Variants in COL5A1 observed in about 807,000 individuals in gnomAD.
COL5A1 encodes the protein collagen alpha-1(V) chain.
COL5A1 carries 16 observed loss-of-function variants against 263.7 expected under a neutral mutation model. The ratio of observed to expected loss-of-function variants is 0.06; its 90% confidence interval spans 0.04 to 0.09. COL5A1 has a LOEUF of 0.09. COL5A1 is among the 10% of genes least tolerant of loss of function. The probability of loss-of-function intolerance (pLI) is 1.00; values close to 1 mark genes in which losing one functional copy is unlikely to be tolerated. For missense variants in COL5A1, 2,036 were observed against 2,540.5 expected (o/e 0.80, Z 4.27); for synonymous variants, 1,012 against 1,004.5 (o/e 1.01, Z -0.14).
rs1456125731 is a variant in COL5A1 at position 134,838,816 on chromosome 9, G to A, written c.5371-3341G>A. Among the ~76,000 whole-genome samples, 4 of 152,364 alleles carry A rather than the reference G, an allele frequency of 2.6e-5. No homozygotes were observed. In the South Asian group the frequency reaches 8.3e-4, roughly 32 times the overall value. On this transcript the variant is annotated intron_variant, in intron 65 of 65. Transcript: ENST00000371817. ...AACTGCCTAACCCCAGATGGCAGGG[G>A]CAGGCTCTGCGGCCAAGCTGGACAG...
intron 4 of COL5A1, among the ~76,000 whole-genome samples, chr9:134,726,419 T>A (rs1160738634): frequency 6.6e-6 from 1 of 151,946 alleles, no homozygotes; most frequent in Non-Finnish European, 1.5e-5. Flanking sequence ...GCTGGGTGGA[T>A]GGATGGACAG....
intron 52 of COL5A1, 35 bp downstream of exon 52, chr9:134,816,023 G>T (rs1838731106): frequency 6.2e-7 from 1 of 1,608,796 alleles, no homozygotes; most frequent in South Asian, 1.1e-5. Flanking sequence ...TCCTGGTGGA[G>T]GTGTCAGTGT....
At chr9:134,823,308 G>A (rs1199904548) in intron 60 of COL5A1, 108 bp from the exon 61 acceptor site, 8 of 1,272,986 alleles carry the variant, frequency 6.3e-6, no homozygotes, top group Middle Eastern at 1.8e-4. Context: ...TGGCTGATAG[G>A]GCCACCTCCC....
In COL5A1 at chr9:134,789,727, C is replaced by T. The variant is rs1389985901; in HGVS notation, c.2700+519C>T. Reference sequence around the variant, plus strand: ...GTGGTTTGAGTCCCCTTTGTCCTCACCCTCAGCGAAGGAACAGGGGGCCGG... The same window carrying T: ...GTGGTTTGAGTCCCCTTTGTCCTCATCCTCAGCGAAGGAACAGGGGGCCGG... On this transcript the variant is annotated intron_variant, in intron 32 of 65. Transcript: ENST00000371817. The surrounding 1 kb of genome is among the most constrained non-coding windows in gnomAD (Gnocchi z 4.8). Among the ~76,000 whole-genome samples the T allele has an allele frequency of 1.3e-5, 2 of 152,228 alleles. No homozygotes were observed. Among genetic ancestry groups the T allele is most frequent in the Non-Finnish European group, 2.9e-5 (2 of 68,034 alleles).
chr9:134,704,082 A>G (rs4240703), intron 4 of COL5A1, among the ~76,000 whole-genome samples: 123,485 of 152,074 alleles, frequency 0.81, 50,455 homozygotes, highest in Admixed American at 0.86. Flanking sequence ...ATAGTGCTTC[A>G]TTGATATTCT....
intron 11 of COL5A1, among the ~76,000 whole-genome samples, chr9:134,747,482 C>T (rs901901767): frequency 6.7e-6 from 1 of 149,814 alleles, no homozygotes; most frequent in Non-Finnish European, 1.5e-5. Flanking sequence ...TGCATACACA[C>T]ATGCATTCAC....
intron 11 of COL5A1, among the ~76,000 whole-genome samples, chr9:134,740,100 A>C (rs1835248443): frequency 6.6e-6 from 1 of 152,186 alleles, no homozygotes; most frequent in South Asian, 2.1e-4. Context: ...GTGGCGGGAA[A>C]CAGAGTGGGG....
intron 4 of COL5A1, among the ~76,000 whole-genome samples, chr9:134,701,910 A>G (rs1833688837): frequency 1.3e-5 from 2 of 152,218 alleles, no homozygotes; most frequent in South Asian, 2.1e-4. Context: ...ACTTCAGCCC[A>G]TGGAGCCCTT....
In COL5A1 at chr9:134,794,156, T is replaced by A. The variant is rs1018749769; in HGVS notation, c.2701-926T>A. 6.6e-6 allele frequency among the ~76,000 whole-genome samples: 1 copy of A among 152,016 alleles called. No homozygotes were observed. Among genetic ancestry groups the A allele is most frequent in the Non-Finnish European group, 1.5e-5 (1 of 67,996 alleles). ...TCCTTGCCAACATGGTGAAACCCTG[T>A]CTCTACTAAAATTAGCTGGGCGTGG... On this transcript the variant is annotated intron_variant, in intron 32 of 65. Transcript: ENST00000371817. This position sits in a 1 kb window ranked among gnomAD's most constrained non-coding sequence, Gnocchi z 4.3.
chr9:134,796,610 C>A (rs944017095), intron 35 of COL5A1, among the ~76,000 whole-genome samples, 192 bp downstream of exon 35: 1 of 152,182 alleles, frequency 6.6e-6, no homozygotes, highest in Non-Finnish European at 1.5e-5. Flanking sequence ...GGGGCCTCGA[C>A]CGCAGCCCTG....
intron 25 of COL5A1, among the ~76,000 whole-genome samples, chr9:134,770,790 C>T (rs1049894782): frequency 2.6e-5 from 4 of 152,224 alleles, no homozygotes; most frequent in African/African-American, 9.6e-5. Flanking sequence ...GAAACACACA[C>T]AAGTAGAAAG....
At position 134,662,142 on chromosome 9, in the gene COL5A1, CAA is replaced by C. The variant is rs34491867; in HGVS notation, c.109+19866_109+19867del. ...TGTGATGCCTGGTCAATATCTTGGCCAAAAAAAAAAAAAAAAAAAAATTCCTC... is the reference window on the plus strand; with the variant it reads ...TGTGATGCCTGGTCAATATCTTGGCCAAAAAAAAAAAAAAAAAAATTCCTC... On this transcript the variant is annotated intron_variant, in intron 1 of 65. Transcript: ENST00000371817. Among the ~76,000 whole-genome samples, 1,203 of 121,210 alleles carry C rather than the reference CAA, an allele frequency of 9.9e-3. 5 individuals are homozygous for C. The highest frequency in any genetic ancestry group is 0.057 in the South Asian group (202 of 3,570). The allele number at this position is 121,210 out of a possible 152,430, so 79.5% of individuals were successfully genotyped here. A position where few individuals can be genotyped will look rare whatever the true frequency, so the allele number is the denominator to read the frequency against.
Position 134,818,157 on chromosome 9 carries a change from G to C in COL5A1, c.4230+326G>C, listed in dbSNP as rs1838837909. Among the ~76,000 whole-genome samples, 1 of 152,242 alleles carries C rather than the reference G, an allele frequency of 6.6e-6. No homozygotes were observed. Among genetic ancestry groups the C allele is most frequent in the African/African-American group, 2.4e-5 (1 of 41,472 alleles). On this transcript the variant is annotated intron_variant, in intron 54 of 65. Transcript: ENST00000371817. This position sits in a 1 kb window ranked among gnomAD's most constrained non-coding sequence, Gnocchi z 6.0. ...TCATGCCTGGTCTTTGAGTCGGCCA[G>C]ACCTGAGCCGCCTACCTCTGAAGTG... is the stretch of plus-strand genomic sequence containing the variant.
chr9:134,663,290 G>A (rs529010044), intron 1 of COL5A1, among the ~76,000 whole-genome samples: 1 of 152,346 alleles, frequency 6.6e-6, no homozygotes, highest in South Asian at 2.1e-4. Context: ...TGGTGGCCGG[G>A]GGCCTGTCCC....
intron 26 of COL5A1, 73 bp from the exon 27 acceptor site, chr9:134,774,786 T>C: frequency 3.3e-6 from 5 of 1,498,610 alleles, no homozygotes; most frequent in Non-Finnish European, 3.7e-6. Flanking sequence ...TGCCGAACTC[T>C]GGAGTTTCCT....
intron 11 of COL5A1, 54 bp from the exon 12 acceptor site, chr9:134,750,488 C>A: frequency 6.5e-7 from 1 of 1,545,934 alleles, no homozygotes; most frequent in Non-Finnish European, 8.9e-7. Context: ...TCGCTGCAGC[C>A]CAGCCCTGGC....
At position 134,701,238 on chromosome 9, in the gene COL5A1, A is replaced by T; in HGVS notation, c.559A>T (p.Thr187Ser). 6.2e-7 allele frequency: 1 copy of T among 1,613,962 alleles called. No homozygotes were observed. Among genetic ancestry groups the T allele is most frequent in the Non-Finnish European group, 8.5e-7 (1 of 1,180,008 alleles). The change falls in exon 4 of 66, where the codon ACC (threonine) becomes TCC (serine). Residue 187 changes from threonine to serine, a missense_variant. By Grantham distance (58) the Thr-to-Ser change is moderately conservative (BLOSUM62 1). Coordinates refer to ENST00000371817, the MANE Select transcript of COL5A1 (RefSeq NM_000093.5). ...VTLILDCKKKTTKFLDRSDHP... is the reference protein window; with the variant it reads ...VTLILDCKKKSTKFLDRSDHP... ...CTTGATCCTCGACTGTAAAAAGAAG[A>T]CCACCAAATTCCTCGACCGCAGCGA... is the stretch of plus-strand genomic sequence containing the variant.
At chr9:134,786,687 A>G (rs1837470690) in intron 31 of COL5A1, among the ~76,000 whole-genome samples, 1 of 150,652 alleles carries the variant, frequency 6.6e-6, no homozygotes, top group African/African-American at 2.5e-5. Flanking sequence ...GGCTTTGGAA[A>G]TCATTGAAAA....
Position 134,686,718 on chromosome 9 carries a change from G to T in COL5A1, c.110-4194G>T, listed in dbSNP as rs1183665247. ...TTGTAACAGTGCAGGGGATGCAGGG[G>T]CCAACTTCTCTAACTCTGATCAACT... is the stretch of plus-strand genomic sequence containing the variant. On this transcript the variant is annotated intron_variant, in intron 1 of 65. Transcript: ENST00000371817. This position sits in a 1 kb window ranked among gnomAD's most constrained non-coding sequence, Gnocchi z 4.6. 1.3e-5 allele frequency among the ~76,000 whole-genome samples: 2 copies of T among 152,172 alleles called. No individual in the cohort carries two copies. The highest frequency in any genetic ancestry group is 4.8e-5 in the African/African-American group (2 of 41,432).
Sources: allele counts gnomAD v4.1 joint callset (sites outside exome capture counted in the v4.1 genomes callset), GRCh38; gene constraint gnomAD v4.1.1; non-coding constraint Gnocchi (gnomAD v3.1); transcripts MANE v1.5; gene names NCBI Gene and HGNC (gene_info 2026-07-23, HGNC 2026-07-21).